The following SLC3A1 variants were observed in gnomAD, a reference collection of about 807,000 sequenced individuals.
The protein encoded by SLC3A1 is amino acid transporter heavy chain SLC3A1.
In SLC3A1, 78 loss-of-function variants were observed where a neutral mutation model predicts 60.3. That is an observed-to-expected ratio of 1.29 (90% CI 1.08 to 1.56). The LOEUF is 1.56. Ranked by LOEUF, SLC3A1 falls within the 40% of genes most tolerant of loss-of-function variation. SLC3A1 has a pLI of 0.00. For synonymous variants in SLC3A1, 392 were observed against 307.9 expected (o/e 1.27, Z -2.86); for missense variants, 1,172 against 858.9 (o/e 1.36, Z -4.56).
intron 1 of SLC3A1, among the ~76,000 whole-genome samples, chr2:44,276,853 C>T (rs1460547462): frequency 1.3e-5 from 2 of 152,092 alleles, no homozygotes; most frequent in African/African-American, 4.8e-5. Context: ...CTGGGAACTT[C>T]TGAGCAAATT....
intron 4 of SLC3A1, among the ~76,000 whole-genome samples, chr2:44,298,038 T>C (rs1365934274): frequency 6.6e-6 from 1 of 152,236 alleles, no homozygotes; most frequent in African/African-American, 2.4e-5. Flanking sequence ...GCTATGAATA[T>C]TTGTGAACAA....
At chr2:44,282,749 C>T (rs749038965) in intron 3 of SLC3A1, among the ~76,000 whole-genome samples, 2 of 152,032 alleles carry the variant, frequency 1.3e-5, no homozygotes, top group Non-Finnish European at 2.9e-5. Context: ...TCTTTGCCTC[C>T]TGGGCTCAAG....
intron 9 of SLC3A1, 66 bp from the exon 10 acceptor site, chr2:44,320,133 A>T (rs999286939): frequency 5.7e-6 from 8 of 1,403,474 alleles, no homozygotes; most frequent in Non-Finnish European, 7.9e-6. Flanking sequence ...CTTACAATAT[A>T]TTAAAAATAC....
At chr2:44,315,397 C>G (rs1193649271) in intron 9 of SLC3A1, among the ~76,000 whole-genome samples, 2 of 151,368 alleles carry the variant, frequency 1.3e-5, no homozygotes, top group African/African-American at 4.9e-5. Flanking sequence ...AGCTGTAATC[C>G]CAGCATTTTG....
chr2:44,292,886 A>G (rs547926209), intron 4 of SLC3A1, among the ~76,000 whole-genome samples: 10 of 151,994 alleles, frequency 6.6e-5, no homozygotes, highest in Non-Finnish European at 1.3e-4. Flanking sequence ...TTTATTTTTT[A>G]TTTTTATTTT....
intron 7 of SLC3A1, among the ~76,000 whole-genome samples, chr2:44,307,502 T>C (rs1672186978): frequency 6.6e-6 from 1 of 152,110 alleles, no homozygotes; most frequent in Admixed American, 6.5e-5. Flanking sequence ...CATCAAGCCT[T>C]GTGATGGTCT....
chr2:44,293,471 C>T (rs1274873778), intron 4 of SLC3A1, among the ~76,000 whole-genome samples: 1 of 151,862 alleles, frequency 6.6e-6, no homozygotes, highest in East Asian at 1.9e-4. Context: ...GAGCCGAGAT[C>T]ATGCCACTGC....
At chr2:44,279,359 C>G (rs149974370) in intron 1 of SLC3A1, among the ~76,000 whole-genome samples, 71 of 152,240 alleles carry the variant, frequency 4.7e-4, no homozygotes, top group Admixed American at 3.1e-3. Flanking sequence ...CTTTGCTGTG[C>G]CTGGAAGCCC....
At chr2:44,298,029 C>T (rs1010115011) in intron 4 of SLC3A1, among the ~76,000 whole-genome samples, 2 of 152,194 alleles carry the variant, frequency 1.3e-5, no homozygotes. Context: ...AATAATGCTG[C>T]TATGAATATT....
Position 44,286,103 on chromosome 2 carries a change from G to A in SLC3A1, c.837G>A (p.Met279Ile). The change falls in exon 4 of 10, where the codon ATG (methionine) becomes ATA (isoleucine). Residue 279 changes from methionine to isoleucine, a missense_variant. Coordinates refer to ENST00000260649, the MANE Select transcript of SLC3A1 (RefSeq NM_000341.4). The stretch of plus-strand genomic sequence containing the variant: ...ACCAATGTTATTTTCATCAGTTTAT[G>A]AAAGAGCAACCTGATTTAAATTTCC... ...VRNQCYFHQFMKEQPDLNFRN... is the reference protein window; with the variant it reads ...VRNQCYFHQFIKEQPDLNFRN... 1 of 1,614,036 alleles carries A rather than the reference G, an allele frequency of 6.2e-7. No individual in the cohort carries two copies. The highest frequency in any genetic ancestry group is 8.5e-7 in the Non-Finnish European group (1 of 1,179,934).
chr2:44,284,395 A>G (rs1671566753), intron 3 of SLC3A1, among the ~76,000 whole-genome samples: 1 of 152,144 alleles, frequency 6.6e-6, no homozygotes, highest in Non-Finnish European at 1.5e-5. Flanking sequence ...TCTTTTAGGT[A>G]AATAACTAGG....
intron 7 of SLC3A1, among the ~76,000 whole-genome samples, chr2:44,304,811 C>T (rs1447769909): frequency 8.8e-6 from 1 of 113,498 alleles, no homozygotes; most frequent in African/African-American, 3.1e-5. Flanking sequence ...CTCTTGAAAA[C>T]AATTTTTTTT....
chr2:44,311,436 T>C (rs1378511327), intron 7 of SLC3A1, among the ~76,000 whole-genome samples: 1 of 152,174 alleles, frequency 6.6e-6, no homozygotes, highest in African/African-American at 2.4e-5. Context: ...TTTCCTGTTT[T>C]CTTTGACTGT....
chr2:44,278,457 T>A (rs1032281554), intron 1 of SLC3A1, among the ~76,000 whole-genome samples: 3 of 150,166 alleles, frequency 2.0e-5, no homozygotes, highest in African/African-American at 7.3e-5. Flanking sequence ...CAAAAATAAA[T>A]AAATAAATAA....
At chr2:44,277,355 C>G (rs754809085) in intron 1 of SLC3A1, among the ~76,000 whole-genome samples, 5 of 151,992 alleles carry the variant, frequency 3.3e-5, no homozygotes, top group East Asian at 1.9e-4. Context: ...GATTTGCCCC[C>G]CCTTGGCCTC....
chr2:44,306,550 C>CTTTTTT (rs11290172), intron 7 of SLC3A1, among the ~76,000 whole-genome samples: 2 of 101,122 alleles, frequency 2.0e-5, no homozygotes, highest in East Asian at 2.9e-4. Flanking sequence ...TACCATAAAA[C>CTTTTTT]TTTTTTTTTT....
rs368734097 is a variant in SLC3A1 at position 44,321,386 on chromosome 2, G to A, written c.*747G>A. 2.9e-5 allele frequency: 46 copies of A among 1,611,924 alleles called. No individual in the cohort carries two copies. Among genetic ancestry groups the A allele is most frequent in the African/African-American group, 2.8e-4 (21 of 74,768 alleles). ...ATTTCAGGTATTTCTTAAGATCCTC[G>A]AAAACACTGGTGCTGTCAAGTCCAA... On this transcript the variant is annotated 3_prime_UTR_variant, in exon 10 of 10. Coordinates refer to ENST00000260649, the MANE Select transcript of SLC3A1 (RefSeq NM_000341.4).
chr2:44,321,813 C>T, downstream of SLC3A1: 4 of 1,613,702 alleles, frequency 2.5e-6, no homozygotes, highest in African/African-American at 1.3e-5. Flanking sequence ...ACTGAGAGGG[C>T]CTTGATAACA....
chr2:44,278,751 A>G lies in SLC3A1; in HGVS notation c.431-1965A>G, dbSNP rs535546768. Among the ~76,000 whole-genome samples the G allele has an allele frequency of 7.2e-3, 1,091 of 152,158 alleles. 4 individuals carry two copies. The highest frequency in any genetic ancestry group is 0.011 in the Non-Finnish European group (765 of 67,998). ...GTTCTAAATACAAAGTTTCATTTCC[A>G]CATGTCTTCTCAGCCAAGCCTAGAA... On this transcript the variant is annotated intron_variant, in intron 1 of 9. Coordinates refer to ENST00000260649, the MANE Select transcript of SLC3A1 (RefSeq NM_000341.4).
Sources: allele counts gnomAD v4.1 joint callset (sites outside exome capture counted in the v4.1 genomes callset), GRCh38; gene constraint gnomAD v4.1.1; transcripts MANE v1.5; gene names NCBI Gene and HGNC (gene_info 2026-07-23, HGNC 2026-07-21).